The following FAM184A variants were observed in gnomAD, a reference collection of about 807,000 sequenced individuals.
The protein encoded by FAM184A is family with sequence similarity 184 member A.
FAM184A carries 99 observed loss-of-function variants against 143.8 expected under a neutral mutation model. The ratio of observed to expected loss-of-function variants is 0.69; its 90% confidence interval spans 0.58 to 0.81. The LOEUF is 0.81. FAM184A is among the 40% of genes least tolerant of loss of function. FAM184A has a pLI of 0.00. For missense variants in FAM184A, 1,217 were observed against 1,310.5 expected (o/e 0.93, Z 1.10); for synonymous variants, 427 against 446.4 (o/e 0.96, Z 0.55).
intron 1 of FAM184A, among the ~76,000 whole-genome samples, chr6:119,144,852 C>G (rs1339909019): frequency 6.6e-6 from 1 of 152,168 alleles, no homozygotes; most frequent in African/African-American, 2.4e-5. Flanking sequence ...TGTTTGCACC[C>G]CTGCTTGTCT....
chr6:119,089,226 C>T (rs943010249), intron 1 of FAM184A, among the ~76,000 whole-genome samples: 1 of 141,872 alleles, frequency 7.0e-6, no homozygotes, highest in Admixed American at 7.0e-5. Flanking sequence ...TTTTTTGAGA[C>T]AGAGTCTCAC....
intron 1 of FAM184A, among the ~76,000 whole-genome samples, chr6:119,098,136 T>C (rs1023190840): frequency 6.6e-6 from 1 of 152,194 alleles, no homozygotes; most frequent in Non-Finnish European, 1.5e-5. Flanking sequence ...TCCCCCATAC[T>C]GTACTCGTGG....
intron 1 of FAM184A, among the ~76,000 whole-genome samples, chr6:119,131,150 T>C (rs985678361): frequency 6.6e-6 from 1 of 152,130 alleles, no homozygotes; most frequent in African/African-American, 2.4e-5. Context: ...TGAGCCACCA[T>C]GCCCAGCCAG....
intron 1 of FAM184A, among the ~76,000 whole-genome samples, chr6:119,109,126 T>TAGTTCTCCG (rs56799782): frequency 6.6e-6 from 1 of 151,332 alleles, no homozygotes; most frequent in Non-Finnish European, 1.5e-5. Context: ...CTTGGTCTTA[T>TAGTTCTCCG]TGTTTTCTCA....
intron 6 of FAM184A, among the ~76,000 whole-genome samples, chr6:119,008,528 T>C (rs1784996042): frequency 6.6e-6 from 1 of 152,206 alleles, no homozygotes; most frequent in Non-Finnish European, 1.5e-5. Flanking sequence ...GTTCTGAATC[T>C]AGTCTTGCCT....
rs552978536 is a variant in FAM184A at position 119,091,530 on chromosome 6, A to G, written c.-202+57548T>C. On this transcript the variant is annotated intron_variant, in intron 1 of 16. Transcript: ENST00000352896. Reference sequence around the variant, plus strand: ...CAGTGGATCCCATAGTCTTGTGCCCATGTTGTCTTGTTGTGCCTCCTTCAC... The same window carrying G: ...CAGTGGATCCCATAGTCTTGTGCCCGTGTTGTCTTGTTGTGCCTCCTTCAC... 2.0e-5 allele frequency among the ~76,000 whole-genome samples: 3 copies of G among 152,268 alleles called. No homozygotes were observed. In the South Asian group the frequency reaches 6.2e-4, roughly 32 times the overall value.
intron 1 of FAM184A, among the ~76,000 whole-genome samples, chr6:119,048,776 G>C (rs1415379228): frequency 1.3e-5 from 2 of 152,058 alleles, no homozygotes; most frequent in African/African-American, 4.8e-5. Context: ...AAGGGTAATG[G>C]GATAATGGGG....
intron 1 of FAM184A, among the ~76,000 whole-genome samples, chr6:119,038,880 AC>A (rs1156491005): frequency 6.6e-6 from 1 of 152,162 alleles, no homozygotes; most frequent in African/African-American, 2.4e-5. Context: ...GAAAAAACTC[AC>A]AAGCCACAGA....
At chr6:119,023,198 AT>A in intron 2 of FAM184A, 118 bp from the exon 3 acceptor site, 1 of 1,032,248 alleles carries the variant, frequency 9.7e-7, no homozygotes, top group Non-Finnish European at 1.4e-6. Context: ...CTATATACCA[AT>A]TTTTAAATCT....
At chr6:119,071,997 G>A (rs1406740798) in intron 1 of FAM184A, among the ~76,000 whole-genome samples, 3 of 151,624 alleles carry the variant, frequency 2.0e-5, no homozygotes, top group African/African-American at 4.8e-5. Flanking sequence ...AAGTAGCTGG[G>A]ATTACAAGCA....
chr6:119,055,775 T>G (rs1786949053), intron 1 of FAM184A, among the ~76,000 whole-genome samples: 1 of 152,230 alleles, frequency 6.6e-6, no homozygotes, highest in South Asian at 2.1e-4. Context: ...GTAATGGGTA[T>G]GACTTATTAT....
intron 1 of FAM184A, among the ~76,000 whole-genome samples, chr6:119,106,453 A>T (rs1385880545): frequency 3.3e-5 from 5 of 152,246 alleles, no homozygotes; most frequent in African/African-American, 7.2e-5. Context: ...GTATTAAATG[A>T]TCATTTGTAT....
intron 1 of FAM184A, among the ~76,000 whole-genome samples, chr6:119,116,031 A>G (rs1582629947): frequency 1.3e-5 from 2 of 151,650 alleles, no homozygotes; most frequent in East Asian, 1.9e-4. Flanking sequence ...CGAGAGAGAG[A>G]GAGAGCAGGG....
At chr6:119,030,260 A>C (rs943371474) in intron 1 of FAM184A, among the ~76,000 whole-genome samples, 2 of 152,168 alleles carry the variant, frequency 1.3e-5, no homozygotes, top group Non-Finnish European at 2.9e-5. Context: ...ATTAGTGATC[A>C]CTTGAAATAC....
chr6:119,108,487 CT>C (rs1163530774), intron 1 of FAM184A, among the ~76,000 whole-genome samples: 3 of 151,542 alleles, frequency 2.0e-5, no homozygotes, highest in Admixed American at 6.6e-5. Context: ...TTTTTTTTTT[CT>C]TTGCCTCTGC....
intron 1 of FAM184A, among the ~76,000 whole-genome samples, chr6:119,101,318 C>T (rs918344134): frequency 5.3e-5 from 8 of 151,832 alleles, no homozygotes; most frequent in African/African-American, 9.7e-5. Flanking sequence ...GTGATCCGCC[C>T]GCCTCGGCCT....
At chr6:119,000,473 T>C (rs1784719038) in intron 9 of FAM184A, among the ~76,000 whole-genome samples, 3 of 152,168 alleles carry the variant, frequency 2.0e-5, no homozygotes, top group African/African-American at 7.2e-5. Flanking sequence ...ATGAAAATAA[T>C]AGCTTTTGGA....
At chr6:119,070,515 C>T (rs1191821069) in intron 1 of FAM184A, among the ~76,000 whole-genome samples, 1 of 152,070 alleles carries the variant, frequency 6.6e-6, no homozygotes, top group Admixed American at 6.6e-5. Context: ...TAAAAAGCCC[C>T]CTATGGTTTA....
chr6:119,097,818 G>C (rs575409017), intron 1 of FAM184A, among the ~76,000 whole-genome samples: 1 of 151,976 alleles, frequency 6.6e-6, no homozygotes, highest in South Asian at 2.1e-4. Flanking sequence ...TTTTCTCCTC[G>C]AGGCAGGCCA....
Sources: gnomAD v4.1 joint callset for allele counts (sites outside exome capture counted in the v4.1 genomes callset) on GRCh38, gnomAD v4.1.1 for gene constraint, MANE v1.5 for transcripts, NCBI Gene and HGNC (gene_info 2026-07-23, HGNC 2026-07-21) for gene names.